The following UPF3B variants were observed in gnomAD, a reference collection of about 807,000 sequenced individuals.
UPF3B encodes UPF3B regulator of nonsense mediated mRNA decay, also known as regulator of nonsense transcripts 3B.
In UPF3B, 7 loss-of-function variants were observed where a neutral mutation model predicts 40.3. The ratio of observed to expected loss-of-function variants is 0.17; its 90% CI spans 0.10 to 0.33. The LOEUF (loss-of-function observed/expected upper bound fraction) is 0.33. Among genes scored for constraint, UPF3B ranks in the 10% least tolerant of loss-of-function variants. The pLI is 1.00. For synonymous variants in UPF3B, 117 were observed against 117.3 expected (o/e 1.00, Z 0.01); for missense variants, 229 against 358.9 (o/e 0.64, Z 2.93).
chrX:119,840,944 A>G, intron 7 of UPF3B, 132 bp downstream of exon 7: 1 of 714,630 alleles, frequency 1.4e-6, no homozygotes. Flanking sequence ...TTTTTATTGG[A>G]TCACTTCCCC....
intron 10 of UPF3B, among the ~76,000 whole-genome samples, chrX:119,837,271 T>C (rs760785015): frequency 4.6e-5 from 5 of 109,464 alleles, no homozygotes; most frequent in African/African-American, 1.7e-4. Flanking sequence ...ATTCTACTTT[T>C]GTGTATGTTT....
intron 5 of UPF3B, among the ~76,000 whole-genome samples, chrX:119,842,235 A>G (rs2056168810): frequency 8.9e-6 from 1 of 111,807 alleles, no homozygotes; most frequent in South Asian, 3.7e-4. Context: ...TTTTGGAAGA[A>G]TATTTTTCAT....
chrX:119,843,354 G>T (rs966666582), intron 4 of UPF3B, 53 bp from the exon 5 acceptor site: 7 of 846,515 alleles, frequency 8.3e-6, no homozygotes, highest in Non-Finnish European at 1.2e-5. Flanking sequence ...AACAAAAAAA[G>T]AAGACATTAT....
intron 4 of UPF3B, among the ~76,000 whole-genome samples, chrX:119,822,194 C>T (rs1488799204): frequency 1.8e-5 from 2 of 112,747 alleles, no homozygotes; most frequent in Admixed American, 9.4e-5. Flanking sequence ...TAAATGTTTG[C>T]ATCAATGAAA....
chrX:119,816,258 G>T (rs1942078883), intron 4 of UPF3B, among the ~76,000 whole-genome samples: 2 of 111,544 alleles, frequency 1.8e-5, no homozygotes, highest in Non-Finnish European at 3.8e-5. Flanking sequence ...GCTCTCCTGT[G>T]GTTTCACCAA....
intron 10 of UPF3B, among the ~76,000 whole-genome samples, chrX:119,836,379 T>A (rs1473022345): frequency 9.0e-6 from 1 of 111,418 alleles, no homozygotes; most frequent in East Asian, 2.8e-4. Context: ...TAATTAATTT[T>A]AAAAAGACAT....
intron 8 of UPF3B, 43 bp downstream of exon 8, chrX:119,840,603 T>TGA: frequency 8.6e-7 from 1 of 1,159,510 alleles, no homozygotes. Context: ...CCTGTGTGTG[T>TGA]GACATGATAC....
At chrX:119,814,214 A>C (rs1047293347) in intron 5 of UPF3B, among the ~76,000 whole-genome samples, 20 of 111,572 alleles carry the variant, frequency 1.8e-4, no homozygotes, top group African/African-American at 6.5e-4. Context: ...CTTCCTGGAG[A>C]GGGTAGGCAC....
chrX:119,813,861 G>C (rs1332742272), intron 5 of UPF3B, among the ~76,000 whole-genome samples: 1 of 110,762 alleles, frequency 9.0e-6, no homozygotes, highest in East Asian at 2.8e-4. Context: ...ACCGTGCCTG[G>C]CCAAACTTCT....
chrX:119,852,037 C>T (rs1194580020), intron 1 of UPF3B, among the ~76,000 whole-genome samples, 164 bp from the exon 2 acceptor site: 1 of 109,649 alleles, frequency 9.1e-6, no homozygotes, highest in African/African-American at 3.3e-5. Flanking sequence ...ATTAGTCAAA[C>T]ATAATAGTAA....
At chrX:119,835,507 T>G (rs912749062) in intron 10 of UPF3B, among the ~76,000 whole-genome samples, 1 of 111,951 alleles carries the variant, frequency 8.9e-6, no homozygotes, top group South Asian at 3.7e-4. Flanking sequence ...ATTGTTGGGA[T>G]TACAGGCATG....
Position 119,835,046 on chromosome X carries a change from T to A in UPF3B, c.1303-19A>T. The A allele has an allele frequency of 8.3e-7, 1 of 1,208,384 alleles. No individual in the cohort carries two copies. Among genetic ancestry groups the A allele is most frequent in the Non-Finnish European group, 1.1e-6 (1 of 892,825 alleles). On this transcript the variant is annotated intron_variant, in intron 10 of 10. Transcript: ENST00000276201. ...GACGATCCTGAAGTACAATAAAATA[T>A]GTTACCATTACAACAATGCTACTAA...
At chrX:119,833,499 C>T (rs2056058159), downstream of UPF3B, among the ~76,000 whole-genome samples, 1 of 110,347 alleles carries the variant, frequency 9.1e-6, no homozygotes, top group South Asian at 3.8e-4. Flanking sequence ...ACCACTATGC[C>T]CAGCTAATTT....
In UPF3B at chrX:119,845,216, C is replaced by G; in HGVS notation, c.451G>C (p.Val151Leu). 1 of 1,207,237 alleles carries G rather than the reference C, an allele frequency of 8.3e-7. No homozygotes were observed. The highest frequency in any genetic ancestry group is 1.1e-6 in the Non-Finnish European group (1 of 891,539). The part of the protein sequence containing the change: ...KKKTKKRDTK[V>L]GTIDDDPEYR... The stretch of plus-strand genomic sequence containing the variant: ...ACTGTACCATCATCGATAGTCCCGA[C>G]TTTGGTATCTCTTTTCTTAGTCTTC... The change falls in exon 4 of 11, where the codon GTC becomes CTC. Residue 151 changes from valine (V) to leucine (L), a missense_variant. Around this residue, in one of 3 missense-constraint regions of UPF3B, gnomAD observed 87 missense variants for 184.2 expected, o/e 0.47. Transcript: ENST00000276201.
intron 4 of UPF3B, among the ~76,000 whole-genome samples, chrX:119,844,634 G>A (rs750485812): frequency 3.7e-5 from 4 of 108,523 alleles, no homozygotes; most frequent in Non-Finnish European, 7.7e-5. Flanking sequence ...ATGGAGTTTC[G>A]CTCTTGTTGC....
At chrX:119,836,679 C>T (rs1343952851) in intron 10 of UPF3B, among the ~76,000 whole-genome samples, 1 of 105,159 alleles carries the variant, frequency 9.5e-6, no homozygotes, top group African/African-American at 3.5e-5. Flanking sequence ...GAGACAGAGT[C>T]TCGCTCTGTT....
In UPF3B at chrX:119,849,504, AGAG is replaced by A. The variant is rs1261044844; in HGVS notation, c.370+1988_370+1990del. Reference sequence around the variant, plus strand: ...TTAAGACTCTGTCTCAAAAAAAAAAAGAGAGAGAGAGAGAAGAAAAAGAAAAAA... The same window carrying A: ...TTAAGACTCTGTCTCAAAAAAAAAAAAGAGAGAGAGAAGAAAAAGAAAAAA... On this transcript the variant is annotated intron_variant, in intron 3 of 10. Transcript: ENST00000276201. 3.5e-3 allele frequency among the ~76,000 whole-genome samples: 124 copies of A among 35,405 alleles called. 1 individual carries two copies. Among genetic ancestry groups the A allele is most frequent in the African/African-American group, 0.01 (122 of 11,668 alleles). The allele number at this position is 35,405 out of a possible 115,157, so 30.7% of individuals were successfully genotyped here. A position where few individuals can be genotyped will look rare whatever the true frequency, so the allele number is the denominator to read the frequency against.
intron 5 of UPF3B, among the ~76,000 whole-genome samples, chrX:119,809,438 G>C (rs2147751078): frequency 8.9e-6 from 1 of 112,152 alleles, no homozygotes; most frequent in East Asian, 2.8e-4. Flanking sequence ...ATCTTTTTGA[G>C]GGCTGGGCAT....
chrX:119,820,005 T>G (rs759397417), intron 4 of UPF3B, among the ~76,000 whole-genome samples: 1 of 110,619 alleles, frequency 9.0e-6, no homozygotes, highest in African/African-American at 3.3e-5. Flanking sequence ...CCACTGTGCC[T>G]GGCTAATTTT....
Sources: gnomAD v4.1 joint callset for allele counts (sites outside exome capture counted in the v4.1 genomes callset) on GRCh38, gnomAD v4.1.1 for gene constraint, gnomAD v4.1.1 regional missense constraint, MANE v1.5 for transcripts, NCBI Gene and HGNC (gene_info 2026-07-23, HGNC 2026-07-21) for gene names.